Variants in TMOD1 observed in about 807,000 individuals in gnomAD.
TMOD1 encodes tropomodulin-1.
A neutral mutation model predicts 40.6 loss-of-function variants in TMOD1; 17 were observed. The observed-to-expected ratio is 0.42, with a 90% CI of 0.29 to 0.63. The LOEUF (loss-of-function observed/expected upper bound fraction) is 0.63, where lower values mean the gene tolerates loss of function less well. Among genes scored for constraint, TMOD1 ranks in the 20% least tolerant of loss-of-function variants. TMOD1 has a pLI of 0.22. For synonymous variants in TMOD1, 181 were observed against 175.0 expected (o/e 1.03, Z -0.27); for missense variants, 391 against 447.6 (o/e 0.87, Z 1.14).
In TMOD1 at chr9:97,513,065, T is replaced by C. The variant is rs1829731689; in HGVS notation, c.-48-11076T>C. 1 of 152,210 alleles carries C rather than the reference T, an allele frequency of 6.6e-6. No homozygotes were observed. The highest frequency in any genetic ancestry group is 6.5e-5 in the Admixed American group (1 of 15,278). 9.4% of individuals were successfully genotyped at this position (152,210 alleles called of 1,614,324 possible). A position where few individuals can be genotyped will look rare whatever the true frequency, so the allele number is the denominator to read the frequency against. ...CCCTTACTTTGGCACTACACTTTTA[T>C]TACAGCAGCTAAGGTCTCACCATGG... On this transcript the variant is annotated intron_variant, in intron 1 of 9. Transcript: ENST00000259365. The surrounding 1 kb of genome is among the most constrained non-coding windows in gnomAD (Gnocchi z 4.1).
intron 7 of TMOD1, among the ~76,000 whole-genome samples, chr9:97,566,968 G>A (rs951973327): frequency 8.5e-5 from 13 of 152,176 alleles, no homozygotes; most frequent in Non-Finnish European, 1.5e-4. Context: ...AAGGGTAACA[G>A]TACAGTGCAA....
chr9:97,562,615 A>T, intron 4 of TMOD1, 117 bp from the exon 5 acceptor site: 1 of 665,890 alleles, frequency 1.5e-6, no homozygotes, highest in Non-Finnish European at 2.5e-6. Flanking sequence ...TGAAGTTTTC[A>T]TGCAAGTGTT....
intron 9 of TMOD1, among the ~76,000 whole-genome samples, chr9:97,591,664 G>A (rs995949829): frequency 1.3e-5 from 2 of 152,214 alleles, no homozygotes; most frequent in African/African-American, 4.8e-5. Flanking sequence ...TCAAAGCACA[G>A]CTCAGCACAG....
chr9:97,508,046 A>G (rs1587908802), intron 1 of TMOD1, among the ~76,000 whole-genome samples: 2 of 134,934 alleles, frequency 1.5e-5, no homozygotes, highest in East Asian at 2.2e-4. Context: ...AACACAATCT[A>G]TCTTCCTGAT....
chr9:97,542,343 G>A (rs970350158), intron 2 of TMOD1, among the ~76,000 whole-genome samples: 15 of 152,126 alleles, frequency 9.9e-5, no homozygotes, highest in Non-Finnish European at 1.5e-4. Context: ...TTAAAAATGT[G>A]ATAAGCTTAG....
intron 8 of TMOD1, among the ~76,000 whole-genome samples, chr9:97,575,419 A>G (rs905688968): frequency 1.3e-5 from 2 of 152,230 alleles, no homozygotes; most frequent in African/African-American, 4.8e-5. Flanking sequence ...TCATTCTTGC[A>G]GTCAGTGAGA....
intron 1 of TMOD1, among the ~76,000 whole-genome samples, chr9:97,522,782 C>T (rs1306518682): frequency 6.6e-6 from 1 of 152,054 alleles, no homozygotes; most frequent in East Asian, 1.9e-4. Flanking sequence ...AGGCTGGTCT[C>T]AAACTCCTGG....
chr9:97,540,017 A>C (rs1387567878), intron 2 of TMOD1, among the ~76,000 whole-genome samples: 1 of 152,178 alleles, frequency 6.6e-6, no homozygotes, highest in South Asian at 2.1e-4. Flanking sequence ...AAAGAAAACA[A>C]AAATGCGCCA....
intron 9 of TMOD1, among the ~76,000 whole-genome samples, chr9:97,593,300 ACT>A (rs1200963737): frequency 6.7e-6 from 1 of 150,056 alleles, no homozygotes; most frequent in Non-Finnish European, 1.5e-5. Context: ...GCCTTTGAAA[ACT>A]CTCCCAGTCC....
chr9:97,525,281 C>A (rs1429249410), intron 2 of TMOD1, among the ~76,000 whole-genome samples: 1 of 152,022 alleles, frequency 6.6e-6, no homozygotes, highest in Admixed American at 6.6e-5. Context: ...AGCCAATACA[C>A]CAATAACAGT....
At position 97,514,000 on chromosome 9, in the gene TMOD1, G is replaced by A. The variant is rs560905290; in HGVS notation, c.-48-10141G>A. 6 of 152,404 alleles carry A rather than the reference G, an allele frequency of 3.9e-5. No homozygotes were observed. In the South Asian group the frequency reaches 1.0e-3, roughly 26 times the overall value. 9.4% of individuals were successfully genotyped at this position (152,404 alleles called of 1,614,324 possible). A position where few individuals can be genotyped will look rare whatever the true frequency, so the allele number is the denominator to read the frequency against. On this transcript the variant is annotated intron_variant, in intron 1 of 9. Coordinates refer to ENST00000259365, the MANE Select transcript of TMOD1 (RefSeq NM_003275.4). The surrounding 1 kb of genome is among the most constrained non-coding windows in gnomAD (Gnocchi z 4.1). ...GGAAACAGGTTGTACACCTGTGCAG[G>A]TGCACAGAGCCCTGCTTTCAGAGGG...
intron 2 of TMOD1, among the ~76,000 whole-genome samples, chr9:97,545,338 C>G (rs1258517845): frequency 6.6e-6 from 1 of 152,200 alleles, no homozygotes; most frequent in Non-Finnish European, 1.5e-5. Flanking sequence ...CTTTGACTCC[C>G]TAAGGTACTG....
intron 1 of TMOD1, among the ~76,000 whole-genome samples, chr9:97,517,431 A>C (rs975427619): frequency 6.6e-6 from 1 of 152,120 alleles, no homozygotes; most frequent in African/African-American, 2.4e-5. Flanking sequence ...GCTGACCCCA[A>C]GGGTCTGGCC....
At position 97,518,884 on chromosome 9, in the gene TMOD1, C is replaced by T. The variant is rs574128445; in HGVS notation, c.-48-5257C>T. ...AAATCCCTTTGGCCAAAGTGTCTTC[C>T]GGAAGACAGGGACAAATCCACAAAT... On this transcript the variant is annotated intron_variant, in intron 1 of 9. Coordinates refer to ENST00000259365, the MANE Select transcript of TMOD1 (RefSeq NM_003275.4). Among the ~76,000 whole-genome samples the T allele has an allele frequency of 6.4e-4, 97 of 152,256 alleles. 1 individual carries two copies. The highest frequency in any genetic ancestry group is 2.3e-3 in the African/African-American group (95 of 41,546).
At position 97,534,434 on chromosome 9, in the gene TMOD1, A is replaced by C. The variant is rs191182676; in HGVS notation, c.120+10126A>C. ...TCTAGCTTGGCATTTCCCAAAACCC[A>C]CGACAGTGAACCTTGGTCTCATCCT... On this transcript the variant is annotated intron_variant, in intron 2 of 9. Transcript: ENST00000259365. Among the ~76,000 whole-genome samples, 209 of 152,340 alleles carry C rather than the reference A, an allele frequency of 1.4e-3. 1 individual carries two copies. Among genetic ancestry groups the C allele is most frequent in the African/African-American group, 4.7e-3 (195 of 41,586 alleles).
At chr9:97,585,291 TG>T (rs1825846168) in intron 8 of TMOD1, among the ~76,000 whole-genome samples, 1 of 150,296 alleles carries the variant, frequency 6.7e-6, no homozygotes, top group Admixed American at 6.6e-5. Context: ...TATGAAATTC[TG>T]GGTTGAAAAT....
At chr9:97,589,446 A>AT (rs748190964) in intron 8 of TMOD1, among the ~76,000 whole-genome samples, 163 of 133,120 alleles carry the variant, frequency 1.2e-3, no homozygotes, top group Middle Eastern at 3.8e-3. Flanking sequence ...TACTTTTTGT[A>AT]TTTTTTTTTT....
intron 2 of TMOD1, 64 bp downstream of exon 2, chr9:97,524,372 A>T: frequency 6.4e-7 from 1 of 1,565,212 alleles, no homozygotes; most frequent in Non-Finnish European, 8.7e-7. Flanking sequence ...GGACAGGTGG[A>T]TGCTTCCTAA....
At chr9:97,558,868 C>A (rs570558781) in intron 4 of TMOD1, among the ~76,000 whole-genome samples, 26 of 152,206 alleles carry the variant, frequency 1.7e-4, no homozygotes, top group Non-Finnish European at 2.8e-4. Context: ...AACTGAGCGT[C>A]CCCCCAGCCC....
Sources: gnomAD v4.1 joint callset for allele counts (sites outside exome capture counted in the v4.1 genomes callset) on GRCh38, gnomAD v4.1.1 for gene constraint, Gnocchi (gnomAD v3.1) non-coding constraint, MANE v1.5 for transcripts, NCBI Gene and HGNC (gene_info 2026-07-23, HGNC 2026-07-21) for gene names.